PMM2: variants seen among roughly 807,000 people sequenced by gnomAD.
PMM2 encodes phosphomannomutase 2.
PMM2 carries 35 observed loss-of-function variants against 33.2 expected under a neutral mutation model. The observed-to-expected ratio is 1.06, with a 90% CI of 0.81 to 1.40. The LOEUF is 1.40. Among genes scored for constraint, PMM2 ranks in the 40% most tolerant of loss-of-function variants. PMM2 has a pLI of 0.00. For missense variants in PMM2, 386 were observed against 306.0 expected (o/e 1.26, Z -1.95); for synonymous variants, 153 against 114.7 (o/e 1.33, Z -2.13).
chr16:8,829,685 C>T (rs1249389050), intron 7 of PMM2, among the ~76,000 whole-genome samples: 1 of 152,256 alleles, frequency 6.6e-6, no homozygotes, highest in East Asian at 1.9e-4. Flanking sequence ...GATGGAAGAG[C>T]GGATGGTCAC....
rs1191474406 is a variant in PMM2 at position 8,848,912 on chromosome 16, G to C, written c.*1087G>C. ...TCTTCGTGAAACTGGAAGGATCCCG[G>C]GTCTCAGCTAGAACACGGTGGAAGA... On this transcript the variant is annotated 3_prime_UTR_variant, in exon 8 of 8. Coordinates refer to ENST00000268261, the MANE Select transcript of PMM2 (RefSeq NM_000303.3). 6.6e-6 allele frequency: 1 copy of C among 152,234 alleles called. No homozygotes were observed. Among genetic ancestry groups the C allele is most frequent in the Non-Finnish European group, 1.5e-5 (1 of 68,038 alleles). The allele number at this position is 152,234 out of a possible 1,614,324, so 9.4% of individuals were successfully genotyped here.
At chr16:8,799,946 AT>A (rs2060603499) in intron 1 of PMM2, among the ~76,000 whole-genome samples, 2 of 152,374 alleles carry the variant, frequency 1.3e-5, no homozygotes, top group Non-Finnish European at 1.5e-5. Context: ...CTTCTGTACA[AT>A]TTTAATCACA....
At chr16:8,799,758 G>T (rs8051604) in intron 1 of PMM2, among the ~76,000 whole-genome samples, 2 of 151,992 alleles carry the variant, frequency 1.3e-5, no homozygotes, top group Non-Finnish European at 2.9e-5. Context: ...GTGTTGGCCA[G>T]GATGGTCTCT....
chr16:8,809,915 ATCC>A (rs1286946863), intron 4 of PMM2: 1 of 152,026 alleles, frequency 6.6e-6, no homozygotes, highest in African/African-American at 2.4e-5. Flanking sequence ...GGCCCAAGCA[ATCC>A]TCCTGTCTCA....
chr16:8,843,545 AAGCTCCTGGGGGAGG>A (rs1321260492), intron 7 of PMM2, among the ~76,000 whole-genome samples: 4 of 152,058 alleles, frequency 2.6e-5, no homozygotes, highest in Admixed American at 2.6e-4. Context: ...CACGTGTAGC[AAGCTCCTGGGGGAGG>A]AGGTTCTGGA....
At chr16:8,843,577 C>T (rs1432002686) in intron 7 of PMM2, among the ~76,000 whole-genome samples, 1 of 152,030 alleles carries the variant, frequency 6.6e-6, no homozygotes, top group African/African-American at 2.4e-5. Context: ...TGGAGGAACG[C>T]CTGGCCGCTG....
At chr16:8,845,212 G>A (rs9929822) in intron 7 of PMM2, among the ~76,000 whole-genome samples, 108,423 of 151,708 alleles carry the variant, frequency 0.71, 38,811 homozygotes, top group Non-Finnish European at 0.74. Flanking sequence ...TGCGGGCAGG[G>A]GTGGATCTCA....
intron 7 of PMM2, among the ~76,000 whole-genome samples, chr16:8,821,880 A>T (rs911077866): frequency 2.0e-5 from 3 of 152,144 alleles, no homozygotes; most frequent in African/African-American, 4.8e-5. Flanking sequence ...ATCCCCAGGG[A>T]CTCTAGCCAG....
chr16:8,834,794 G>GA (rs2060832905), intron 7 of PMM2, among the ~76,000 whole-genome samples: 1 of 152,166 alleles, frequency 6.6e-6, no homozygotes, highest in South Asian at 2.1e-4. Flanking sequence ...AATCAAGCGT[G>GA]ATCAGGGTGA....
chr16:8,816,431 G>A (rs1000461509), intron 7 of PMM2, among the ~76,000 whole-genome samples: 1 of 151,934 alleles, frequency 6.6e-6, no homozygotes, highest in East Asian at 1.9e-4. Flanking sequence ...GGGCCAGGAT[G>A]GCTAATTTTG....
At chr16:8,832,265 G>C (rs553969906) in intron 7 of PMM2, 1 of 985,456 alleles carries the variant, frequency 1.0e-6, no homozygotes. Flanking sequence ...TTGTGATGCA[G>C]ATGCTCCTGC....
rs1480461283 is a variant in PMM2, at chr16:8,848,926, C to T, written c.*1101C>T. On this transcript the variant is annotated 3_prime_UTR_variant, in exon 8 of 8. Transcript: ENST00000268261. ...GAAGGATCCCGGGTCTCAGCTAGAA[C>T]ACGGTGGAAGAGAACTTTCCTAGGA... The T allele has an allele frequency of 6.6e-6, 1 of 152,294 alleles. No individual in the cohort carries two copies. The highest frequency in any genetic ancestry group is 1.9e-4 in the East Asian group (1 of 5,198). The allele number at this position is 152,294 out of a possible 1,614,324, so 9.4% of individuals were successfully genotyped here.
At chr16:8,847,569 G>A (rs749512315) in intron 7 of PMM2, 155 bp from the exon 8 acceptor site, 11 of 673,412 alleles carry the variant, frequency 1.6e-5, no homozygotes, top group African/African-American at 7.1e-5. Context: ...TTGTACTCAC[G>A]TTCCTCTCCT....
chr16:8,842,899 T>G (rs1206840253), intron 7 of PMM2, among the ~76,000 whole-genome samples: 1 of 151,962 alleles, frequency 6.6e-6, no homozygotes, highest in Non-Finnish European at 1.5e-5. Flanking sequence ...TGTGATCAGT[T>G]GTCAGGGAAG....
chr16:8,827,848 AATAT>A (rs1168609119), intron 7 of PMM2, among the ~76,000 whole-genome samples: 1 of 69,914 alleles, frequency 1.4e-5, no homozygotes, highest in Non-Finnish European at 3.0e-5. Flanking sequence ...TATAATATAT[AATAT>A]ATATGTTATA....
chr16:8,802,156 G>C (rs949188232), intron 2 of PMM2: 1 of 505,190 alleles, frequency 2.0e-6, no homozygotes, highest in East Asian at 5.3e-5. Flanking sequence ...GTCAGTGGCT[G>C]TATCTGCACA....
intron 1 of PMM2, among the ~76,000 whole-genome samples, chr16:8,798,383 C>A (rs887054333): frequency 2.0e-5 from 3 of 152,168 alleles, no homozygotes; most frequent in Non-Finnish European, 4.4e-5. Flanking sequence ...CTCATCTTCA[C>A]CTCTTGACAT....
rs767491789 is a variant in PMM2, at chr16:8,813,088, T to C, written c.621T>C (p.Phe207=). Residue 207 remains phenylalanine, a synonymous_variant, in exon 7 of 8, where the codon TTT becomes TTC. Transcript: ENST00000268261. Reference sequence around the variant, plus strand: ...ACGGTTATAAGACCATTTATTTCTTTGGAGACAAAACTATGCCAGTAAGTA... The same window carrying C: ...ACGGTTATAAGACCATTTATTTCTTCGGAGACAAAACTATGCCAGTAAGTA... ...ENDGYKTIYF[F]GDKTMPGGND... The C allele has an allele frequency of 1.9e-6, 3 of 1,602,548 alleles. No homozygotes were observed. The South Asian group carries it at 3.3e-5, about 18-fold the overall frequency.
In PMM2 at chr16:8,798,582, C is replaced by T. The variant is rs2060592954; in HGVS notation, c.66+634C>T. 2.6e-5 allele frequency among the ~76,000 whole-genome samples: 4 copies of T among 152,194 alleles called. No individual in the cohort carries two copies. The South Asian group carries it at 8.3e-4, about 31-fold the overall frequency. ...CCACCTCCACCACACCCATCTCCAG[C>T]CCCTGCAATGGACTAGGGAGATGGA... On this transcript the variant is annotated intron_variant, in intron 1 of 7. Coordinates refer to ENST00000268261, the MANE Select transcript of PMM2 (RefSeq NM_000303.3).
Sources: allele counts gnomAD v4.1 joint callset (sites outside exome capture counted in the v4.1 genomes callset), GRCh38; gene constraint gnomAD v4.1.1; transcripts MANE v1.5; gene names NCBI Gene and HGNC (gene_info 2026-07-23, HGNC 2026-07-21).